The following PDK1 variants were observed in gnomAD, a reference collection of about 807,000 sequenced individuals.
The protein encoded by PDK1 is [Pyruvate dehydrogenase (acetyl-transferring)] kinase isozyme 1, mitochondrial.
Under a neutral mutation model 54.2 loss-of-function variants are expected in PDK1, and 39 were observed. That is an observed-to-expected ratio of 0.72 (90% CI 0.56 to 0.94). PDK1 has a LOEUF of 0.94. Among genes scored for constraint, PDK1 ranks in the 40% least tolerant of loss-of-function variants. PDK1 has a pLI of 0.00. For missense variants in PDK1, 552 were observed against 566.0 expected, an observed-to-expected ratio of 0.98 and a Z score of 0.25; for synonymous variants, 221 against 207.1, an observed-to-expected ratio of 1.07 and a Z score of -0.58.
chr2:172,582,602 T>G (rs1689972920), intron 8 of PDK1, among the ~76,000 whole-genome samples: 1 of 152,242 alleles, frequency 6.6e-6, no homozygotes, highest in African/African-American at 2.4e-5. Flanking sequence ...TTTTCACATC[T>G]CTCTTTCAAT....
the PDK1 span, among the ~76,000 whole-genome samples, chr2:172,640,046 C>T: frequency 2.6e-5 from 4 of 152,120 alleles, no homozygotes; most frequent in African/African-American, 9.7e-5. Context: ...AGAATATGGA[C>T]CAAGGAGATA....
At chr2:172,668,901 A>ATT in the PDK1 span, among the ~76,000 whole-genome samples, 1 of 96,222 alleles carries the variant, frequency 1.0e-5, no homozygotes, top group Non-Finnish European at 2.1e-5. Flanking sequence ...ACACATATAT[A>ATT]TATATAGAGA....
chr2:172,636,841 T>A, the PDK1 span, among the ~76,000 whole-genome samples: 1,632 of 152,058 alleles, frequency 0.011, 26 homozygotes, highest in African/African-American at 0.036. Flanking sequence ...TCACTGGGGT[T>A]CACATTTTAA....
chr2:172,619,213 C>T, the PDK1 span, among the ~76,000 whole-genome samples: 1 of 152,180 alleles, frequency 6.6e-6, no homozygotes, highest in Non-Finnish European at 1.5e-5. Flanking sequence ...TGCTGGGATA[C>T]ATCATGTGGA....
At chr2:172,670,694 T>C in the PDK1 span, among the ~76,000 whole-genome samples, 9 of 152,234 alleles carry the variant, frequency 5.9e-5, no homozygotes, top group Non-Finnish European at 7.3e-5. Flanking sequence ...AAATCAATAT[T>C]GCAATGATTG....
the PDK1 span, among the ~76,000 whole-genome samples, chr2:172,656,315 TATAGGAGCCTGATTG>T: frequency 6.6e-6 from 1 of 152,332 alleles, no homozygotes; most frequent in South Asian, 2.1e-4. Context: ...CTTGTTATCT[TATAGGAGCCTGATTG>T]ATGTGGTAGT....
chr2:172,685,001 G>A, the PDK1 span, among the ~76,000 whole-genome samples: 1 of 152,084 alleles, frequency 6.6e-6, no homozygotes, highest in Admixed American at 6.6e-5. Flanking sequence ...AGATCTGATG[G>A]TTTTATAAGT....
the PDK1 span, among the ~76,000 whole-genome samples, chr2:172,719,892 G>A: frequency 6.6e-6 from 1 of 152,244 alleles, no homozygotes; most frequent in Non-Finnish European, 1.5e-5. Flanking sequence ...TCTCAGGACA[G>A]TGGGTTACTT....
chr2:172,653,052 G>A, the PDK1 span, among the ~76,000 whole-genome samples: 46 of 152,152 alleles, frequency 3.0e-4, no homozygotes, highest in African/African-American at 9.9e-4. Context: ...GAGGCATCAC[G>A]CTACCTGACT....
At chr2:172,645,512 GCCT>G in the PDK1 span, among the ~76,000 whole-genome samples, 2 of 152,142 alleles carry the variant, frequency 1.3e-5, no homozygotes, top group South Asian at 2.1e-4. Context: ...ACCTGCCTTG[GCCT>G]CCTAAAATGC....
the PDK1 span, among the ~76,000 whole-genome samples, chr2:172,711,170 C>T: frequency 1.1e-4 from 17 of 152,294 alleles, no homozygotes; most frequent in East Asian, 3.3e-3. Flanking sequence ...ACTGGCTGGA[C>T]AATTTACTTC....
chr2:172,626,941 T>C, the PDK1 span, among the ~76,000 whole-genome samples: 1 of 152,078 alleles, frequency 6.6e-6, no homozygotes, highest in Non-Finnish European at 1.5e-5. Context: ...TGAACACTTA[T>C]GAAAGACATA....
chr2:172,663,246 T>C, the PDK1 span, among the ~76,000 whole-genome samples: 222 of 152,352 alleles, frequency 1.5e-3, 1 homozygote, highest in African/African-American at 5.1e-3. Flanking sequence ...TGTCCTTATC[T>C]ATTCTTCTTA....
At chr2:172,561,777 G>T (rs1688667976) in intron 2 of PDK1, among the ~76,000 whole-genome samples, 1 of 152,144 alleles carries the variant, frequency 6.6e-6, no homozygotes, top group South Asian at 2.1e-4. Flanking sequence ...TAAAATTAAG[G>T]TTTTAAAGCA....
the PDK1 span, among the ~76,000 whole-genome samples, chr2:172,627,490 A>G: frequency 6.6e-6 from 1 of 152,230 alleles, no homozygotes; most frequent in Non-Finnish European, 1.5e-5. Flanking sequence ...CTCAAAAAAT[A>G]TGCACAGTAT....
the PDK1 span, among the ~76,000 whole-genome samples, chr2:172,660,027 G>T: frequency 6.6e-6 from 1 of 151,952 alleles, no homozygotes; most frequent in South Asian, 2.1e-4. Flanking sequence ...CTGCATGGGG[G>T]TTCTGCTAAT....
the PDK1 span, among the ~76,000 whole-genome samples, chr2:172,690,016 A>C: frequency 1.6e-3 from 238 of 150,520 alleles, 30 homozygotes; most frequent in Admixed American, 0.014. Flanking sequence ...TAATTAAACT[A>C]AAGAGCTTCT....
the PDK1 span, among the ~76,000 whole-genome samples, chr2:172,702,680 G>C: frequency 4.6e-5 from 7 of 150,820 alleles, no homozygotes; most frequent in Middle Eastern, 6.8e-3. Flanking sequence ...ATCTCTCTAG[G>C]TTTCCTCCTT....
the PDK1 span, among the ~76,000 whole-genome samples, chr2:172,631,541 A>ATGT: frequency 7.8e-5 from 1 of 12,880 alleles, no homozygotes; most frequent in African/African-American, 1.6e-4. Flanking sequence ...GAGGTTAGCC[A>ATGT]TGTGGTAAGG....
Sources: allele counts gnomAD v4.1 joint callset (sites outside exome capture counted in the v4.1 genomes callset), GRCh38; gene constraint gnomAD v4.1.1; transcripts MANE v1.5; gene names NCBI Gene and HGNC (gene_info 2026-07-23, HGNC 2026-07-21).